Variants in PATJ observed in about 807,000 individuals in gnomAD.
PATJ encodes the protein PATJ crumbs cell polarity complex component, also known as inaD-like protein.
A neutral mutation model predicts 224.9 loss-of-function variants in PATJ; 190 were observed. That is an observed-to-expected ratio of 0.84 (90% CI 0.75 to 0.95). The LOEUF is 0.95. PATJ is among the 40% of genes least tolerant of loss of function. The pLI, the probability that PATJ is intolerant of heterozygous loss-of-function variation, is 0.00. For synonymous variants in PATJ, 769 were observed against 820.3 expected (o/e 0.94, Z 1.07); for missense variants, 2,121 against 2,270.3 (o/e 0.93, Z 1.34).
chr1:61,835,027 T>A (rs1191843978), intron 17 of PATJ, among the ~76,000 whole-genome samples: 1 of 152,170 alleles, frequency 6.6e-6, no homozygotes, highest in Non-Finnish European at 1.5e-5. Context: ...CTGTGCTCAG[T>A]CTAAATTCTG....
At position 61,775,230 on chromosome 1, in the gene PATJ, G is replaced by A; in HGVS notation, c.745G>A (p.Val249Ile). 1.9e-6 allele frequency: 3 copies of A among 1,613,374 alleles called. No individual in the cohort carries two copies. The highest frequency in any genetic ancestry group is 2.5e-6 in the Non-Finnish European group (3 of 1,179,694). ...ETVCWGHVEE[V>I]ELINDGSGLG... ...GGTTTGTTGGGGCCATGTTGAAGAG[G>A]TTGAGCTCATTAATGATGGCTCTGG... is the stretch of plus-strand genomic sequence containing the variant. The change falls in exon 7 of 44, where the codon GTT (valine) becomes ATT (isoleucine). Residue 249 changes from valine to isoleucine, a missense_variant. Physicochemically the swap from Val to Ile is conservative, Grantham distance 29 (BLOSUM62 3). Coordinates refer to ENST00000642238, the MANE Select transcript of PATJ (RefSeq NM_001350145.3).
At chr1:61,981,172 T>C (rs1316428560) in intron 27 of PATJ, among the ~76,000 whole-genome samples, 4 of 152,032 alleles carry the variant, frequency 2.6e-5, no homozygotes, top group African/African-American at 9.7e-5. Context: ...ATTTGGTCTC[T>C]GTGAACTTTT....
chr1:61,877,543 G>A (rs1667497652), intron 21 of PATJ, among the ~76,000 whole-genome samples: 1 of 151,944 alleles, frequency 6.6e-6, no homozygotes, highest in Non-Finnish European at 1.5e-5. Flanking sequence ...TCATGATAGT[G>A]AGTGAATTTT....
chr1:62,115,119 C>T (rs929970846), intron 35 of PATJ, among the ~76,000 whole-genome samples: 7 of 151,922 alleles, frequency 4.6e-5, no homozygotes, highest in Non-Finnish European at 8.8e-5. Context: ...ACCAGCCTGA[C>T]CAATATGGTG....
At chr1:62,078,539 G>A (rs1658716558) in intron 31 of PATJ, among the ~76,000 whole-genome samples, 1 of 151,992 alleles carries the variant, frequency 6.6e-6, no homozygotes, top group South Asian at 2.1e-4. Context: ...GCCCATCTCA[G>A]CCTCCCAAAG....
chr1:62,034,797 A>G (rs943445189), intron 29 of PATJ, among the ~76,000 whole-genome samples: 3 of 152,234 alleles, frequency 2.0e-5, no homozygotes, highest in Non-Finnish European at 2.9e-5. Flanking sequence ...TTTAAAGGCC[A>G]TTAAAGTCAT....
chr1:61,754,176 A>G (rs553282378), intron 1 of PATJ, among the ~76,000 whole-genome samples: 1 of 152,356 alleles, frequency 6.6e-6, no homozygotes, highest in East Asian at 1.9e-4. Context: ...AATTGTAGGT[A>G]GCCTATCTAT....
At chr1:61,994,570 C>T (rs1362322771) in intron 28 of PATJ, among the ~76,000 whole-genome samples, 5 of 150,268 alleles carry the variant, frequency 3.3e-5, no homozygotes, top group Non-Finnish European at 7.4e-5. Flanking sequence ...TTTTTTTTTC[C>T]CAAGACAGAG....
At chr1:61,754,222 A>T (rs919741694) in intron 1 of PATJ, among the ~76,000 whole-genome samples, 4 of 152,206 alleles carry the variant, frequency 2.6e-5, no homozygotes, top group African/African-American at 9.7e-5. Context: ...GTTTCAACAA[A>T]GTTGAAATCC....
intron 27 of PATJ, among the ~76,000 whole-genome samples, chr1:61,984,728 A>G (rs191731588): frequency 3.3e-5 from 5 of 152,168 alleles, no homozygotes; most frequent in Non-Finnish European, 7.4e-5. Flanking sequence ...TAGAACATCT[A>G]TACTATTCAG....
At chr1:61,976,623 G>C (rs1644146516) in intron 27 of PATJ, among the ~76,000 whole-genome samples, 1 of 151,890 alleles carries the variant, frequency 6.6e-6, no homozygotes, top group Non-Finnish European at 1.5e-5. Flanking sequence ...GGCCAGGCTG[G>C]TCTCGAGCTT....
intron 1 of PATJ, among the ~76,000 whole-genome samples, chr1:61,744,984 G>T (rs1644952193): frequency 6.6e-6 from 1 of 152,210 alleles, no homozygotes; most frequent in African/African-American, 2.4e-5. Context: ...AAGAGGAAGA[G>T]ATGCACAGGG....
At chr1:62,061,861 G>A (rs1353098625) in intron 31 of PATJ, among the ~76,000 whole-genome samples, 3 of 151,874 alleles carry the variant, frequency 2.0e-5, no homozygotes, top group South Asian at 2.1e-4. Flanking sequence ...GGGTTTCACC[G>A]TGTTAGCCAG....
rs752622882 is a variant in PATJ at position 61,763,089 on chromosome 1, G to A, written c.99G>A (p.Glu33=). The change falls in exon 3 of 44, where the codon GAG becomes GAA. Residue 33 remains glutamate, a synonymous_variant. Transcript: ENST00000642238. The part of the protein sequence containing the change: ...LQEKGDTSQN[E]KLSMFYETLK... ...AGAAGGGTGACACGTCGCAGAATGA[G>A]AAGTTATCTATGTTTTATGAGACAC... is the stretch of plus-strand genomic sequence containing the variant. The A allele has an allele frequency of 1.2e-6, 2 of 1,611,094 alleles. No individual in the cohort carries two copies. Among genetic ancestry groups the A allele is most frequent in the African/African-American group, 1.3e-5 (1 of 74,844 alleles).
chr1:62,049,151 C>T (rs1363043495), intron 30 of PATJ, among the ~76,000 whole-genome samples: 1 of 150,770 alleles, frequency 6.6e-6, no homozygotes, highest in African/African-American at 2.4e-5. Context: ...AATATGCAAT[C>T]GTATGTGATA....
chr1:61,819,196 G>A (rs903582748), intron 14 of PATJ, among the ~76,000 whole-genome samples: 7 of 152,072 alleles, frequency 4.6e-5, no homozygotes, highest in Non-Finnish European at 7.4e-5. Context: ...TTCCCAAAAT[G>A]ACCTCCACTA....
intron 14 of PATJ, among the ~76,000 whole-genome samples, chr1:61,812,287 T>G (rs1654931405): frequency 6.6e-6 from 1 of 151,706 alleles, no homozygotes; most frequent in Admixed American, 6.6e-5. Context: ...TCAGATGATA[T>G]CAGTTATCTC....
intron 26 of PATJ, among the ~76,000 whole-genome samples, chr1:61,916,843 G>A (rs1290790675): frequency 6.6e-6 from 1 of 152,180 alleles, no homozygotes; most frequent in Non-Finnish European, 1.5e-5. Context: ...AGTTTGGTTG[G>A]TGATGAAATC....
chr1:61,743,484 CT>C (rs1031573304), intron 1 of PATJ, among the ~76,000 whole-genome samples: 5 of 152,114 alleles, frequency 3.3e-5, no homozygotes, highest in Non-Finnish European at 7.3e-5. Context: ...CATTTAGGGT[CT>C]GGCTATTGGT....
Sources: allele counts gnomAD v4.1 joint callset (sites outside exome capture counted in the v4.1 genomes callset), GRCh38; gene constraint gnomAD v4.1.1; transcripts MANE v1.5; gene names NCBI Gene and HGNC (gene_info 2026-07-23, HGNC 2026-07-21).